Variants in DPP10 observed in about 807,000 individuals in gnomAD.
The protein encoded by DPP10 is dipeptidyl peptidase like 10.
Under a neutral mutation model 120.9 loss-of-function variants are expected in DPP10, and 33 were observed. The observed-to-expected ratio is 0.27, with a 90% CI of 0.21 to 0.37. The LOEUF is 0.37. Among genes scored for constraint, DPP10 ranks in the 10% least tolerant of loss-of-function variants. DPP10 has a pLI of 1.00. For synonymous variants in DPP10, 337 were observed against 326.1 expected (o/e 1.03, Z -0.36); for missense variants, 816 against 942.8 (o/e 0.87, Z 1.76).
intron 1 of DPP10, among the ~76,000 whole-genome samples, chr2:114,879,092 T>G (rs1343535908): frequency 6.6e-6 from 1 of 152,082 alleles, no homozygotes; most frequent in Non-Finnish European, 1.5e-5. Flanking sequence ...TCCTTTGGAT[T>G]TGAAAGAAGA....
At chr2:115,686,168 G>T (rs919576748) in intron 5 of DPP10, among the ~76,000 whole-genome samples, 1 of 151,874 alleles carries the variant, frequency 6.6e-6, no homozygotes, top group Non-Finnish European at 1.5e-5. Context: ...GCTTTCTGTT[G>T]GTCATGTTCC....
chr2:114,879,668 T>A (rs1477585352), intron 1 of DPP10, among the ~76,000 whole-genome samples: 1 of 151,942 alleles, frequency 6.6e-6, no homozygotes, highest in Non-Finnish European at 1.5e-5. Context: ...GGTGTCTTTG[T>A]GGTGATTGAA....
intron 3 of DPP10, chr2:115,468,595 T>C: frequency 2.6e-6 from 1 of 390,490 alleles, no homozygotes; most frequent in East Asian, 6.6e-5. Context: ...CGGGGAGTTC[T>C]GCACTTGTGT....
intron 1 of DPP10, among the ~76,000 whole-genome samples, chr2:114,561,192 C>A (rs1375850249): frequency 6.6e-6 from 1 of 152,174 alleles, no homozygotes; most frequent in African/African-American, 2.4e-5. Context: ...ACATGTCTGA[C>A]CTCTCCAAAT....
chr2:115,440,215 T>G (rs948570226), intron 3 of DPP10, among the ~76,000 whole-genome samples: 1 of 152,044 alleles, frequency 6.6e-6, no homozygotes, highest in East Asian at 1.9e-4. Context: ...AAAAGTGAAG[T>G]TGAATAACAA....
chr2:115,070,766 A>G (rs887657831), intron 1 of DPP10, among the ~76,000 whole-genome samples: 1 of 152,188 alleles, frequency 6.6e-6, no homozygotes, highest in Non-Finnish European at 1.5e-5. Flanking sequence ...TAATTAAATA[A>G]ATATCATTTT....
At chr2:114,672,032 A>G (rs538000660) in intron 1 of DPP10, among the ~76,000 whole-genome samples, 2 of 152,190 alleles carry the variant, frequency 1.3e-5, no homozygotes, top group South Asian at 4.1e-4. Context: ...TCAGTCCTAT[A>G]TTCTAAGTTT....
chr2:115,836,037 C>T (rs1689452837), intron 21 of DPP10, 120 bp from the exon 22 acceptor site: 1 of 505,184 alleles, frequency 2.0e-6, no homozygotes. Flanking sequence ...CAGTACCAAA[C>T]ATTGATCAAA....
At chr2:114,486,485 C>A (rs1486204820) in intron 1 of DPP10, among the ~76,000 whole-genome samples, 1 of 152,062 alleles carries the variant, frequency 6.6e-6, no homozygotes, top group African/African-American at 2.4e-5. Flanking sequence ...GCTTGAACAG[C>A]TACAAGTAAT....
intron 1 of DPP10, among the ~76,000 whole-genome samples, chr2:114,816,379 G>T (rs1685642318): frequency 6.6e-6 from 1 of 152,160 alleles, no homozygotes; most frequent in Non-Finnish European, 1.5e-5. Flanking sequence ...CTGTTTCTCT[G>T]TTCCAACAAA....
chr2:114,976,999 C>T (rs190840447), intron 1 of DPP10, among the ~76,000 whole-genome samples: 28 of 152,248 alleles, frequency 1.8e-4, no homozygotes, highest in Admixed American at 1.6e-3. Flanking sequence ...TTAATTCCAT[C>T]TATGCCAGCA....
At chr2:115,307,791 A>T (rs1486926164) in intron 1 of DPP10, among the ~76,000 whole-genome samples, 1 of 152,150 alleles carries the variant, frequency 6.6e-6, no homozygotes, top group African/African-American at 2.4e-5. Context: ...TCACAAGGCA[A>T]CTATTGACTG....
chr2:114,500,219 G>T (rs1683035910), intron 1 of DPP10, among the ~76,000 whole-genome samples: 1 of 152,198 alleles, frequency 6.6e-6, no homozygotes, highest in Non-Finnish European at 1.5e-5. Flanking sequence ...AACATGGATT[G>T]ATTCCATTGA....
chr2:114,578,463 C>T (rs1690234963), intron 1 of DPP10, among the ~76,000 whole-genome samples: 1 of 152,060 alleles, frequency 6.6e-6, no homozygotes, highest in African/African-American at 2.4e-5. Context: ...TCATCTATGT[C>T]TATTTCTTCT....
intron 3 of DPP10, among the ~76,000 whole-genome samples, chr2:115,458,526 A>G (rs1315056899): frequency 6.6e-6 from 1 of 152,088 alleles, no homozygotes; most frequent in African/African-American, 2.4e-5. Context: ...GACTCTCGAA[A>G]AGAAAGAAAA....
At chr2:115,553,984 A>G (rs921874845) in intron 5 of DPP10, among the ~76,000 whole-genome samples, 1 of 132,776 alleles carries the variant, frequency 7.5e-6, no homozygotes, top group East Asian at 2.3e-4. Context: ...TCCGACACCT[A>G]TCTCTCTCTC....
At chr2:115,659,187 T>A (rs1330486760) in intron 5 of DPP10, among the ~76,000 whole-genome samples, 3 of 152,160 alleles carry the variant, frequency 2.0e-5, no homozygotes, top group Non-Finnish European at 2.9e-5. Flanking sequence ...AAGGCCTGCA[T>A]CAGATGCTGG....
chr2:115,668,325 G>GAATT, intron 5 of DPP10, among the ~76,000 whole-genome samples: 1 of 152,112 alleles, frequency 6.6e-6, no homozygotes, highest in East Asian at 1.9e-4. Context: ...TTTTATAAGT[G>GAATT]AATTAATGCC....
At chr2:114,888,793 T>C (rs922076520) in intron 1 of DPP10, among the ~76,000 whole-genome samples, 4 of 152,192 alleles carry the variant, frequency 2.6e-5, no homozygotes, top group South Asian at 4.1e-4. Context: ...CTCTTTACAA[T>C]GGGCATTCCA....
Sources: allele counts gnomAD v4.1 joint callset (sites outside exome capture counted in the v4.1 genomes callset), GRCh38; gene constraint gnomAD v4.1.1; transcripts MANE v1.5; gene names NCBI Gene and HGNC (gene_info 2026-07-23, HGNC 2026-07-21).